Variants in TENM1 observed in about 807,000 individuals in gnomAD.
TENM1 encodes the protein teneurin-1.
In TENM1, 35 loss-of-function variants were observed where a neutral mutation model predicts 174.8. The ratio of observed to expected loss-of-function variants is 0.20; its 90% CI spans 0.15 to 0.27. The LOEUF is 0.27. Ranked by LOEUF, TENM1 falls within the 10% of genes least tolerant of loss-of-function variation. The pLI is 1.00. For missense variants in TENM1, 1,633 were observed against 2,130.1 expected, an observed-to-expected ratio of 0.77 and a Z score of 4.59; for synonymous variants, 781 against 798.7, an observed-to-expected ratio of 0.98 and a Z score of 0.37.
chrX:125,174,714 T>C, the TENM1 span, among the ~76,000 whole-genome samples: 1 of 111,421 alleles, frequency 9.0e-6, no homozygotes, highest in Non-Finnish European at 1.9e-5. Flanking sequence ...ACACCTCAAC[T>C]TAAGAAGTCC....
intron 3 of TENM1, among the ~76,000 whole-genome samples, chrX:124,805,744 C>T (rs2147250118): frequency 8.8e-6 from 1 of 113,129 alleles, no homozygotes; most frequent in African/African-American, 3.2e-5. Context: ...CCCCTAGCAC[C>T]ACAACGGCCA....
chrX:124,454,104 TAC>T (rs1385685198), intron 22 of TENM1, among the ~76,000 whole-genome samples: 3 of 111,870 alleles, frequency 2.7e-5, no homozygotes, highest in Non-Finnish European at 5.6e-5. Flanking sequence ...CAGCAGTTTT[TAC>T]ACACAGTGTT....
chrX:124,645,456 T>G (rs1237832356), intron 9 of TENM1, 119 bp from the exon 13 acceptor site: 1 of 625,196 alleles, frequency 1.6e-6, no homozygotes, highest in Non-Finnish European at 2.4e-6. Flanking sequence ...GTCTTACCCT[T>G]TATTAAATAG....
Position 124,868,576 on chromosome X carries a change from A to T in TENM1, c.535+25720T>A, listed in dbSNP as rs200209967. ...TCCAGGATATTACTCTGGGCAAAAA[A>T]TTTCTTAAGCAATACTCCACAAGCA... On this transcript the variant is annotated intron_variant, in intron 3 of 31. Coordinates refer to ENST00000422452, the Ensembl canonical transcript of TENM1. 2.0e-4 allele frequency among the ~76,000 whole-genome samples: 22 copies of T among 111,554 alleles called. No individual in the cohort carries two copies. The East Asian group carries it at 6.2e-3, about 32-fold the overall frequency.
chrX:124,985,985 T>A, the TENM1 span, among the ~76,000 whole-genome samples: 218 of 111,884 alleles, frequency 1.9e-3, no homozygotes, highest in African/African-American at 6.8e-3. Context: ...AATGTCTAAC[T>A]GATAAAACGT....
chrX:124,887,386 G>C (rs1210830967), intron 3 of TENM1, among the ~76,000 whole-genome samples: 1 of 111,254 alleles, frequency 9.0e-6, no homozygotes, highest in Non-Finnish European at 1.9e-5. Context: ...TACATGCGTG[G>C]AAAATTTGGG....
chrX:124,681,295 C>A (rs1448873628), intron 5 of TENM1, among the ~76,000 whole-genome samples: 3 of 111,461 alleles, frequency 2.7e-5, no homozygotes, highest in African/African-American at 9.8e-5. Flanking sequence ...AACTATGAAA[C>A]CTTCTCATCT....
At chrX:124,515,674 A>G (rs1312415817) in intron 18 of TENM1, among the ~76,000 whole-genome samples, 1 of 111,109 alleles carries the variant, frequency 9.0e-6, no homozygotes, top group East Asian at 2.8e-4. Context: ...TTACAAAACC[A>G]CTGCTCAGAT....
intron 22 of TENM1, among the ~76,000 whole-genome samples, chrX:124,461,779 G>C (rs1380563494): frequency 9.0e-6 from 1 of 111,249 alleles, no homozygotes; most frequent in African/African-American, 3.3e-5. Context: ...ATCAATGATA[G>C]AAGAAATAAG....
intron 1 of TENM1, among the ~76,000 whole-genome samples, chrX:124,905,608 T>C (rs182664164): frequency 1.8e-5 from 2 of 111,796 alleles, no homozygotes; most frequent in African/African-American, 6.5e-5. Flanking sequence ...AGGTAAACCC[T>C]GTAAGAGTTT....
chrX:124,979,874 A>G, the TENM1 span, among the ~76,000 whole-genome samples: 3 of 112,177 alleles, frequency 2.7e-5, no homozygotes, highest in Non-Finnish European at 5.6e-5. Flanking sequence ...TTTCATTTCA[A>G]CAAAGAAATG....
chrX:124,581,016 G>A (rs2049290917), intron 11 of TENM1, among the ~76,000 whole-genome samples: 1 of 108,540 alleles, frequency 9.2e-6, no homozygotes, highest in Non-Finnish European at 1.9e-5. Flanking sequence ...TAGGATAATG[G>A]CCTCCAGTTC....
At chrX:125,091,812 C>T in the TENM1 span, among the ~76,000 whole-genome samples, 3,159 of 107,729 alleles carry the variant, frequency 0.029, 72 homozygotes, top group Non-Finnish European at 0.05. Context: ...ATAGTGAAAC[C>T]CCGTCTCTAC....
chrX:124,583,500 A>C (rs1232419532), intron 11 of TENM1, among the ~76,000 whole-genome samples: 2 of 111,389 alleles, frequency 1.8e-5, no homozygotes, highest in Non-Finnish European at 3.8e-5. Context: ...GAAAACTAAC[A>C]ACCAGAAAGG....
chrX:124,921,052 T>C (rs2058013561), intron 1 of TENM1, among the ~76,000 whole-genome samples: 1 of 107,434 alleles, frequency 9.3e-6, no homozygotes, highest in African/African-American at 3.4e-5. Flanking sequence ...CACGCCCCTC[T>C]TTTAATGACC....
chrX:124,639,728 CATA>C (rs1296678471), intron 11 of TENM1, among the ~76,000 whole-genome samples: 1 of 110,897 alleles, frequency 9.0e-6, no homozygotes, highest in Non-Finnish European at 1.9e-5. Context: ...GTGACTAATA[CATA>C]ATAATTATTA....
At chrX:124,888,151 C>G (rs923900849) in intron 3 of TENM1, among the ~76,000 whole-genome samples, 3 of 111,537 alleles carry the variant, frequency 2.7e-5, no homozygotes, top group African/African-American at 9.8e-5. Context: ...GGTCTGAGAA[C>G]AGCATATGCA....
At chrX:124,731,574 G>A (rs1003355998) in intron 4 of TENM1, among the ~76,000 whole-genome samples, 2 of 111,422 alleles carry the variant, frequency 1.8e-5, no homozygotes, top group African/African-American at 6.5e-5. Flanking sequence ...TAAACAGGAA[G>A]CATATGGACT....
chrX:124,851,861 A>G (rs746146579), intron 3 of TENM1, among the ~76,000 whole-genome samples: 13 of 111,629 alleles, frequency 1.2e-4, no homozygotes, highest in Non-Finnish European at 2.3e-4. Context: ...CAGTGAAAAG[A>G]TAAACATGCC....
Sources: allele counts gnomAD v4.1 joint callset (sites outside exome capture counted in the v4.1 genomes callset), GRCh38; gene constraint gnomAD v4.1.1; transcripts MANE v1.5; gene names NCBI Gene and HGNC (gene_info 2026-07-23, HGNC 2026-07-21).